The following SVEP1 variants were observed in gnomAD, a reference collection of about 807,000 sequenced individuals.
The protein encoded by SVEP1 is sushi, von Willebrand factor type A, EGF and pentraxin domain containing 1.
SVEP1 carries 164 observed loss-of-function variants against 367.3 expected under a neutral mutation model. That is an observed-to-expected ratio of 0.45 (90% CI 0.39 to 0.51). The LOEUF (loss-of-function observed/expected upper bound fraction) is 0.51, where lower values mean the gene tolerates loss of function less well. Among genes scored for constraint, SVEP1 ranks in the 20% least tolerant of loss-of-function variants. SVEP1 has a pLI of 0.00. For missense variants in SVEP1, 4,117 were observed against 4,425.3 expected (o/e 0.93, Z 1.98); for synonymous variants, 1,666 against 1,611.6 (o/e 1.03, Z -0.81).
intron 16 of SVEP1, among the ~76,000 whole-genome samples, chr9:110,470,494 G>T (rs1025255511): frequency 6.6e-6 from 1 of 151,730 alleles, no homozygotes; most frequent in Non-Finnish European, 1.5e-5. Context: ...GTGCAGTGGC[G>T]CAATCATAGC....
intron 41 of SVEP1, among the ~76,000 whole-genome samples, chr9:110,388,150 A>AGG (rs1827554494): frequency 1.3e-5 from 2 of 152,174 alleles, no homozygotes; most frequent in African/African-American, 2.4e-5. Flanking sequence ...AAAAGACAAT[A>AGG]AGAAAGTATA....
In SVEP1 at chr9:110,435,366, T is replaced by C; in HGVS notation, c.4765-2A>G. ...GCAGGAGGTAGCCAGTGACTTCACC[T>C]GAAAGTTTAATAACACTTTAGATAA... On this transcript the variant is annotated splice_acceptor_variant, in intron 28 of 47. Coordinates refer to ENST00000374469, the MANE Select transcript of SVEP1 (RefSeq NM_153366.4). LOFTEE classifies it high-confidence loss of function. 1 of 1,612,632 alleles carries C rather than the reference T, an allele frequency of 6.2e-7. No homozygotes were observed. The highest frequency in any genetic ancestry group is 8.5e-7 in the Non-Finnish European group (1 of 1,179,018).
At chr9:110,565,623 G>T (rs768500260) in intron 1 of SVEP1, among the ~76,000 whole-genome samples, 10 of 152,186 alleles carry the variant, frequency 6.6e-5, no homozygotes, top group African/African-American at 9.7e-5. Flanking sequence ...AGAGAGTGAA[G>T]TGGGTGTGAG....
chr9:110,478,987 G>A (rs74752143), intron 13 of SVEP1, among the ~76,000 whole-genome samples: 4,256 of 151,530 alleles, frequency 0.028, 192 homozygotes, highest in African/African-American at 0.098. Flanking sequence ...GGCGCGATCT[G>A]GTTCACTGCA....
chr9:110,417,156 C>A lies in SVEP1; in HGVS notation c.5976-5421G>T, dbSNP rs955300104. 4.1e-4 allele frequency among the ~76,000 whole-genome samples: 62 copies of A among 151,566 alleles called. 1 individual carries two copies. Among genetic ancestry groups the A allele is most frequent in the Admixed American group, 4.1e-3 (62 of 15,242 alleles). ...AACAGCTCCGGTCTACAGCTCCCAG[C>A]GTGAGCGACGCAGAAGACGGGTGAT... On this transcript the variant is annotated intron_variant, in intron 36 of 47. Coordinates refer to ENST00000374469, the MANE Select transcript of SVEP1 (RefSeq NM_153366.4).
intron 1 of SVEP1, among the ~76,000 whole-genome samples, chr9:110,561,469 G>T (rs1334299583): frequency 6.6e-6 from 1 of 152,146 alleles, no homozygotes; most frequent in African/African-American, 2.4e-5. Context: ...TATGAAGTAA[G>T]AGAATGAAAG....
intron 40 of SVEP1, among the ~76,000 whole-genome samples, chr9:110,397,252 A>G (rs1338901260): frequency 6.6e-6 from 1 of 152,242 alleles, no homozygotes; most frequent in Non-Finnish European, 1.5e-5. Flanking sequence ...CCACATGATT[A>G]TCTCAATAGA....
At chr9:110,519,063 T>C (rs1829843557) in intron 3 of SVEP1, among the ~76,000 whole-genome samples, 1 of 152,180 alleles carries the variant, frequency 6.6e-6, no homozygotes, top group African/African-American at 2.4e-5. Flanking sequence ...TTTTGTACTG[T>C]CCCCTTCCCC....
intron 5 of SVEP1, among the ~76,000 whole-genome samples, chr9:110,503,835 A>T (rs1248478533): frequency 6.6e-6 from 1 of 152,050 alleles, no homozygotes; most frequent in East Asian, 1.9e-4. Context: ...ATGCATTAAC[A>T]TCAGTTTATT....
chr9:110,435,710 A>G lies in SVEP1; in HGVS notation c.4765-346T>C, dbSNP rs1015766033. Reference sequence around the variant, plus strand: ...TTGACCTCTGACACAGAATTGAGGAAGCTGAGGCTTAGAGATTCTTAGAGG... The same window carrying G: ...TTGACCTCTGACACAGAATTGAGGAGGCTGAGGCTTAGAGATTCTTAGAGG... On this transcript the variant is annotated intron_variant, in intron 28 of 47. Coordinates refer to ENST00000374469, the MANE Select transcript of SVEP1 (RefSeq NM_153366.4). Among the ~76,000 whole-genome samples, 5 of 152,198 alleles carry G rather than the reference A, an allele frequency of 3.3e-5. No homozygotes were observed. The East Asian group carries it at 5.8e-4, about 18-fold the overall frequency.
chr9:110,566,324 TAATAAATAAATAAATAAATA>T (rs199990111), intron 1 of SVEP1, among the ~76,000 whole-genome samples: 369 of 142,012 alleles, frequency 2.6e-3, no homozygotes, highest in African/African-American at 8.9e-3. Flanking sequence ...CCTGTCTCCA[TAATAAATAAATAAATAAATA>T]AATAAATAAA....
intron 21 of SVEP1, 52 bp from the exon 22 acceptor site, chr9:110,455,755 A>G: frequency 7.1e-7 from 1 of 1,405,032 alleles, no homozygotes; most frequent in Non-Finnish European, 9.8e-7. Context: ...GATTAACCGA[A>G]ATAGAACTAT....
intron 3 of SVEP1, among the ~76,000 whole-genome samples, chr9:110,517,178 G>T (rs1829814942): frequency 6.6e-6 from 1 of 152,164 alleles, no homozygotes; most frequent in Non-Finnish European, 1.5e-5. Context: ...TTTATTTTAT[G>T]TCCAGGCATG....
intron 3 of SVEP1, among the ~76,000 whole-genome samples, chr9:110,515,497 T>C (rs923153445): frequency 6.6e-6 from 1 of 152,092 alleles, no homozygotes; most frequent in Admixed American, 6.5e-5. Context: ...AGACGGGGTT[T>C]CACCGTGTTA....
chr9:110,397,958 C>G (rs562900757), intron 40 of SVEP1, among the ~76,000 whole-genome samples: 12 of 149,134 alleles, frequency 8.0e-5, no homozygotes, highest in Non-Finnish European at 1.6e-4. Flanking sequence ...CATCGAGCAA[C>G]CAATGACTTT....
intron 1 of SVEP1, among the ~76,000 whole-genome samples, chr9:110,574,540 T>G (rs1238709234): frequency 6.6e-6 from 1 of 152,174 alleles, no homozygotes; most frequent in Non-Finnish European, 1.5e-5. Context: ...AAACTAACTT[T>G]GCAGCTAAAT....
At chr9:110,463,617 A>G (rs533904529) in intron 18 of SVEP1, among the ~76,000 whole-genome samples, 6 of 148,096 alleles carry the variant, frequency 4.1e-5, no homozygotes, top group African/African-American at 1.5e-4. Context: ...AAAAGGAAGG[A>G]AAGAAAGAAA....
chr9:110,446,898 A>G lies in SVEP1; in HGVS notation c.4261+2T>C. 6.5e-7 allele frequency: 1 copy of G among 1,527,160 alleles called. No individual in the cohort carries two copies. The highest frequency in any genetic ancestry group is 2.5e-5 in the East Asian group (1 of 40,308). 94.6% of individuals were successfully genotyped at this position (1,527,160 alleles called of 1,614,324 possible). On this transcript the variant is annotated splice_donor_variant, in intron 25 of 47. Transcript: ENST00000374469. LOFTEE classifies it high-confidence loss of function. ...TATTAATAACACTGAGTTGATACAT[A>G]CCTGTTTCACACCTTTTGCCTGAAA... is the stretch of plus-strand genomic sequence containing the variant.
In SVEP1 at chr9:110,446,899, C is replaced by T. The variant is rs373777603; in HGVS notation, c.4261+1G>A. 1 of 1,527,034 alleles carries T rather than the reference C, an allele frequency of 6.5e-7. No individual in the cohort carries two copies. The highest frequency in any genetic ancestry group is 8.8e-7 in the Non-Finnish European group (1 of 1,137,140). 94.6% of individuals were successfully genotyped at this position (1,527,034 alleles called of 1,614,324 possible). ...ATTAATAACACTGAGTTGATACATACCTGTTTCACACCTTTTGCCTGAAAA... is the reference window on the plus strand; with the variant it reads ...ATTAATAACACTGAGTTGATACATATCTGTTTCACACCTTTTGCCTGAAAA... On this transcript the variant is annotated splice_donor_variant, in intron 25 of 47. Coordinates refer to ENST00000374469, the MANE Select transcript of SVEP1 (RefSeq NM_153366.4). LOFTEE classifies it high-confidence loss of function.
Sources: gnomAD v4.1 joint callset for allele counts (sites outside exome capture counted in the v4.1 genomes callset) on GRCh38, gnomAD v4.1.1 for gene constraint, MANE v1.5 for transcripts, NCBI Gene and HGNC (gene_info 2026-07-23, HGNC 2026-07-21) for gene names.